CAMTA1: variants seen among roughly 807,000 people sequenced by gnomAD.
CAMTA1 encodes calmodulin-binding transcription activator 1.
In CAMTA1, 27 loss-of-function variants were observed where a neutral mutation model predicts 170.9. The ratio of observed to expected loss-of-function variants is 0.16; its 90% CI spans 0.12 to 0.22. CAMTA1 has a LOEUF of 0.22. Among genes scored for constraint, CAMTA1 ranks in the 10% least tolerant of loss-of-function variants. CAMTA1 has a pLI of 1.00. For missense variants in CAMTA1, 1,619 were observed against 2,217.2 expected (o/e 0.73, Z 5.42); for synonymous variants, 833 against 891.5 (o/e 0.93, Z 1.17).
intron 4 of CAMTA1, among the ~76,000 whole-genome samples, chr1:7,136,593 G>A (rs1645559335): frequency 6.6e-6 from 1 of 151,998 alleles, no homozygotes; most frequent in African/African-American, 2.4e-5. Flanking sequence ...CAACAGCTTA[G>A]ATGTACCACA....
intron 4 of CAMTA1, among the ~76,000 whole-genome samples, chr1:7,098,130 CGTGCGT>C (rs1642299973): frequency 6.7e-6 from 1 of 150,186 alleles, no homozygotes; most frequent in African/African-American, 2.5e-5. Flanking sequence ...TGCACGTGCG[CGTGCGT>C]GCGCATGCGT....
intron 1 of CAMTA1, among the ~76,000 whole-genome samples, chr1:6,807,831 T>C (rs886417250): frequency 1.3e-5 from 2 of 152,054 alleles, no homozygotes; most frequent in Non-Finnish European, 2.9e-5. Context: ...ACTTTGAAAT[T>C]AGGAGTCATT....
intron 3 of CAMTA1, among the ~76,000 whole-genome samples, chr1:6,933,203 G>C (rs1684721099): frequency 1.3e-5 from 2 of 152,044 alleles, no homozygotes. Context: ...GGGACTACAG[G>C]TGCATGCCAT....
intron 6 of CAMTA1, among the ~76,000 whole-genome samples, chr1:7,600,931 C>T (rs1024627778): frequency 4.6e-5 from 7 of 151,620 alleles, no homozygotes; most frequent in African/African-American, 7.2e-5. Context: ...TTTTCCCCAC[C>T]TTTCCCCCCT....
chr1:7,688,229 T>C (rs2096275591), intron 11 of CAMTA1, among the ~76,000 whole-genome samples: 1 of 152,048 alleles, frequency 6.6e-6, no homozygotes, highest in African/African-American at 2.4e-5. Flanking sequence ...GGTCTCGAAC[T>C]CCTGACCTTA....
At chr1:6,957,384 C>T (rs1236358992) in intron 3 of CAMTA1, among the ~76,000 whole-genome samples, 1 of 151,820 alleles carries the variant, frequency 6.6e-6, no homozygotes, top group Non-Finnish European at 1.5e-5. Context: ...TCTTGCAGCT[C>T]CAAAGGCAGA....
intron 4 of CAMTA1, among the ~76,000 whole-genome samples, chr1:7,103,862 C>T (rs111203639): frequency 0.35 from 19,517 of 55,500 alleles, 1,752 homozygotes; most frequent in East Asian, 0.53. Flanking sequence ...AACACACATA[C>T]ACACACACAC....
intron 3 of CAMTA1, among the ~76,000 whole-genome samples, chr1:6,988,553 T>TGGAAAGAACCCTAGTAGAAGC (rs1441166782): frequency 3.3e-5 from 5 of 152,178 alleles, no homozygotes; most frequent in African/African-American, 1.2e-4. Context: ...GTAATTACCC[T>TGGAAAGAACCCTAGTAGAAGC]GGAAAGAACC....
chr1:7,527,972 G>T (rs2094448747), intron 6 of CAMTA1, among the ~76,000 whole-genome samples: 2 of 152,170 alleles, frequency 1.3e-5, no homozygotes, highest in Admixed American at 1.3e-4. Flanking sequence ...GCAGCGGCAA[G>T]AGCCTAGAAA....
intron 4 of CAMTA1, among the ~76,000 whole-genome samples, chr1:7,110,219 A>G (rs6694428): frequency 0.36 from 55,315 of 151,624 alleles, 11,958 homozygotes; most frequent in East Asian, 0.75. Context: ...AGCACAGCAC[A>G]TTTTCTGGGC....
At chr1:6,953,826 G>C (rs558095172) in intron 3 of CAMTA1, among the ~76,000 whole-genome samples, 1 of 151,686 alleles carries the variant, frequency 6.6e-6, no homozygotes, top group Admixed American at 6.6e-5. Context: ...GGCTGAGCAC[G>C]ACACTGGCAT....
intron 4 of CAMTA1, among the ~76,000 whole-genome samples, chr1:7,099,149 A>G (rs751027538): frequency 5.9e-5 from 9 of 152,014 alleles, no homozygotes; most frequent in Admixed American, 1.3e-4. Context: ...CCCAGGTTCA[A>G]GTGGTTCTCC....
intron 4 of CAMTA1, among the ~76,000 whole-genome samples, chr1:7,121,798 A>G (rs1644658333): frequency 6.6e-6 from 1 of 152,130 alleles, no homozygotes; most frequent in Non-Finnish European, 1.5e-5. Flanking sequence ...CTGGGGACCC[A>G]CAGTGGAGCA....
intron 3 of CAMTA1, among the ~76,000 whole-genome samples, chr1:6,879,595 G>T (rs907425402): frequency 1.3e-5 from 2 of 150,852 alleles, no homozygotes; most frequent in African/African-American, 4.9e-5. Flanking sequence ...AGATTATAAA[G>T]GCTTCTTTTC....
rs1170473078 is a variant in CAMTA1, at chr1:7,680,588, G to C, written c.2914+2855G>C. Among the ~76,000 whole-genome samples, 1 of 151,954 alleles carries C rather than the reference G, an allele frequency of 6.6e-6. No individual in the cohort carries two copies. The highest frequency in any genetic ancestry group is 6.5e-5 in the Admixed American group (1 of 15,268). On this transcript the variant is annotated intron_variant, in intron 11 of 22. Coordinates refer to ENST00000303635, the MANE Select transcript of CAMTA1 (RefSeq NM_015215.4). This position sits in a 1 kb window ranked among gnomAD's most constrained non-coding sequence, Gnocchi z 4.4. ...GAGGACCGCGGGACTAGGAAGGCCTGAGCCCGGCCACCCGCCTCCGAGTGC... is the reference window on the plus strand; with the variant it reads ...GAGGACCGCGGGACTAGGAAGGCCTCAGCCCGGCCACCCGCCTCCGAGTGC...
At chr1:7,462,694 T>G (rs2093118849) in intron 5 of CAMTA1, among the ~76,000 whole-genome samples, 1 of 152,184 alleles carries the variant, frequency 6.6e-6, no homozygotes, top group Non-Finnish European at 1.5e-5. Context: ...GGTAGTTTGA[T>G]TGGGATGCAT....
At chr1:7,503,064 G>A (rs193245735) in intron 6 of CAMTA1, among the ~76,000 whole-genome samples, 5 of 152,324 alleles carry the variant, frequency 3.3e-5, no homozygotes, top group South Asian at 2.1e-4. Flanking sequence ...GTCAGTCAGC[G>A]TCAGGACAAT....
intron 3 of CAMTA1, among the ~76,000 whole-genome samples, chr1:6,895,152 G>C (rs1025037146): frequency 2.0e-5 from 3 of 152,166 alleles, no homozygotes; most frequent in African/African-American, 7.2e-5. Flanking sequence ...AGTGTTCTCT[G>C]TCCGCTGTTA....
intron 5 of CAMTA1, among the ~76,000 whole-genome samples, chr1:7,429,705 G>A (rs1268437542): frequency 1.4e-5 from 2 of 144,546 alleles, no homozygotes; most frequent in East Asian, 4.0e-4. Context: ...TTCTCACATT[G>A]CTGTAAAGAG....
Sources: gnomAD v4.1 joint callset for allele counts (sites outside exome capture counted in the v4.1 genomes callset) on GRCh38, gnomAD v4.1.1 for gene constraint, Gnocchi (gnomAD v3.1) non-coding constraint, MANE v1.5 for transcripts, NCBI Gene and HGNC (gene_info 2026-07-23, HGNC 2026-07-21) for gene names.